The following TMCO4 variants were observed in gnomAD, a reference collection of about 807,000 sequenced individuals.
The protein encoded by TMCO4 is transmembrane and coiled-coil domain-containing protein 4.
Under a neutral mutation model 64.7 loss-of-function variants are expected in TMCO4, and 58 were observed. The observed-to-expected ratio is 0.90, with a 90% CI of 0.73 to 1.12. The LOEUF (loss-of-function observed/expected upper bound fraction) is 1.12, where lower values mean the gene tolerates loss of function less well. Among genes scored for constraint, TMCO4 ranks in the 50% most tolerant of loss-of-function variants. The probability of loss-of-function intolerance (pLI) is 0.00; values close to 1 mark genes in which losing one functional copy is unlikely to be tolerated. For synonymous variants in TMCO4, 325 were observed against 346.1 expected (o/e 0.94, Z 0.68); for missense variants, 780 against 825.9 (o/e 0.94, Z 0.68).
intron 4 of TMCO4, among the ~76,000 whole-genome samples, chr1:19,774,544 CAAAT>C (rs1365075654): frequency 2.6e-5 from 4 of 152,058 alleles, no homozygotes; most frequent in Non-Finnish European, 4.4e-5. Flanking sequence ...TTTCCATAGA[CAAAT>C]GAATTAAAAA....
chr1:19,687,526 C>A (rs575382584), intron 15 of TMCO4, among the ~76,000 whole-genome samples: 2 of 152,142 alleles, frequency 1.3e-5, no homozygotes, highest in African/African-American at 4.8e-5. Context: ...GTTCCCTTAC[C>A]TTAGTTTCCT....
At chr1:19,745,354 G>T in intron 10 of TMCO4, 178 bp downstream of exon 10, 1 of 956,982 alleles carries the variant, frequency 1.0e-6, no homozygotes, top group Non-Finnish European at 1.6e-6. Flanking sequence ...ATGGCGAGAT[G>T]ATGGGCAGGT....
chr1:19,729,245 G>A (rs2095420482), intron 13 of TMCO4, among the ~76,000 whole-genome samples: 1 of 151,936 alleles, frequency 6.6e-6, no homozygotes, highest in Non-Finnish European at 1.5e-5. Flanking sequence ...TGCCTCCTGG[G>A]TTCAAGCGAT....
intron 3 of TMCO4, among the ~76,000 whole-genome samples, chr1:19,783,915 T>C (rs944170984): frequency 2.0e-5 from 3 of 152,216 alleles, no homozygotes; most frequent in Non-Finnish European, 2.9e-5. Context: ...CAAATTTCCC[T>C]GGCTCAGAGG....
At position 19,682,804 on chromosome 1, in the gene TMCO4, G is replaced by C; in HGVS notation, c.*236C>G. 1.4e-6 allele frequency: 1 copy of C among 719,574 alleles called. No individual in the cohort carries two copies. Among genetic ancestry groups the C allele is most frequent in the Non-Finnish European group, 2.6e-6 (1 of 390,056 alleles). 44.6% of individuals were successfully genotyped at this position (719,574 alleles called of 1,614,324 possible). On this transcript the variant is annotated 3_prime_UTR_variant, in exon 16 of 16. Coordinates refer to ENST00000294543, the MANE Select transcript of TMCO4 (RefSeq NM_181719.7). The stretch of plus-strand genomic sequence containing the variant: ...GACTCTGCAGGTCTCTGATGAGGGG[G>C]CAGCTGCTCCCTGGTGGGGCTCCTC...
At chr1:19,693,939 G>C (rs1426450223) in intron 15 of TMCO4, among the ~76,000 whole-genome samples, 3 of 152,200 alleles carry the variant, frequency 2.0e-5, no homozygotes, top group Non-Finnish European at 4.4e-5. Context: ...ACAGGAGCAA[G>C]AGTGAGGGCT....
intron 15 of TMCO4, among the ~76,000 whole-genome samples, chr1:19,690,722 G>T (rs2095186227): frequency 6.6e-6 from 1 of 152,164 alleles, no homozygotes; most frequent in Non-Finnish European, 1.5e-5. Context: ...TCCAAGCTGG[G>T]CTCAGAGTCC....
chr1:19,708,425 T>C (rs1462291878), intron 13 of TMCO4, among the ~76,000 whole-genome samples: 1 of 149,218 alleles, frequency 6.7e-6, no homozygotes, highest in East Asian at 1.9e-4. Context: ...ACCCAAGAGC[T>C]GAGAATGGAC....
chr1:19,742,668 G>A (rs1475648711), intron 10 of TMCO4, among the ~76,000 whole-genome samples: 1 of 152,192 alleles, frequency 6.6e-6, no homozygotes, highest in Non-Finnish European at 1.5e-5. Context: ...CCAGCTCGAT[G>A]GCTTCCACGG....
At chr1:19,700,906 A>T in intron 13 of TMCO4, 21 bp from the exon 14 acceptor site, 2 of 1,609,232 alleles carry the variant, frequency 1.2e-6, no homozygotes, top group Non-Finnish European at 1.7e-6. Context: ...ACCCCAGAAA[A>T]GGCCGTCAGT....
chr1:19,714,940 T>A (rs908954316), intron 13 of TMCO4, among the ~76,000 whole-genome samples: 5 of 151,348 alleles, frequency 3.3e-5, no homozygotes, highest in South Asian at 2.1e-4. Context: ...AATAAATAAA[T>A]AAATAAAAAA....
In TMCO4 at chr1:19,683,125, A is replaced by T; in HGVS notation, c.1820T>A (p.Ile607Asn). 1 of 1,613,650 alleles carries T rather than the reference A, an allele frequency of 6.2e-7. No homozygotes were observed. Residue 607 changes from isoleucine to asparagine, a missense_variant, in exon 16 of 16, where the codon ATC (isoleucine) becomes AAC (asparagine). Ile to Asn is a moderately radical substitution (Grantham distance 149, BLOSUM62 -3). Coordinates refer to ENST00000294543, the MANE Select transcript of TMCO4 (RefSeq NM_181719.7). The part of the protein sequence containing the change: ...PAAASPERPP[I>N]CSHGMDPNPL... ...GTTGGGGTCCATGCCATGGCTGCAGATGGGGGGCCTTTCAGGGCTGGCAGC... is the reference window on the plus strand; with the variant it reads ...GTTGGGGTCCATGCCATGGCTGCAGTTGGGGGGCCTTTCAGGGCTGGCAGC...
intron 15 of TMCO4, among the ~76,000 whole-genome samples, chr1:19,694,104 T>A (rs568944814): frequency 1.4e-4 from 22 of 152,248 alleles, no homozygotes; most frequent in African/African-American, 4.6e-4. Context: ...TGGGCTCAAG[T>A]GATCCTCCCA....
chr1:19,701,028 A>C (rs989555128), intron 13 of TMCO4, 143 bp from the exon 14 acceptor site: 25 of 653,622 alleles, frequency 3.8e-5, no homozygotes, highest in Non-Finnish European at 4.5e-5. Flanking sequence ...GCAAATGTGC[A>C]TGTACACACA....
intron 15 of TMCO4, among the ~76,000 whole-genome samples, chr1:19,686,028 T>C (rs897387643): frequency 4.6e-5 from 7 of 152,168 alleles, no homozygotes; most frequent in Non-Finnish European, 1.0e-4. Flanking sequence ...CGCCCGGCCA[T>C]CCAGGCCTGT....
At chr1:19,759,595 G>A (rs2042410811) in intron 6 of TMCO4, among the ~76,000 whole-genome samples, 1 of 152,202 alleles carries the variant, frequency 6.6e-6, no homozygotes, top group African/African-American at 2.4e-5. Context: ...GCTCACGGCT[G>A]CCTCGGGGCC....
chr1:19,700,660 C>T (rs2095265853), intron 14 of TMCO4, 108 bp downstream of exon 14: 23 of 1,067,274 alleles, frequency 2.2e-5, no homozygotes, highest in Non-Finnish European at 3.2e-5. Flanking sequence ...CTGGGATCTT[C>T]CAGGACAGGG....
intron 15 of TMCO4, among the ~76,000 whole-genome samples, chr1:19,693,752 T>C (rs1383239371): frequency 2.0e-5 from 3 of 152,166 alleles, no homozygotes; most frequent in African/African-American, 4.8e-5. Flanking sequence ...ATCCCATCTT[T>C]CCACAGCCTA....
intron 14 of TMCO4, among the ~76,000 whole-genome samples, chr1:19,696,255 A>G (rs1029150669): frequency 5.9e-5 from 9 of 152,232 alleles, no homozygotes; most frequent in Admixed American, 5.9e-4. Flanking sequence ...AGCACTGTCT[A>G]AGAATGGACG....
Sources: gnomAD v4.1 joint callset for allele counts (sites outside exome capture counted in the v4.1 genomes callset) on GRCh38, gnomAD v4.1.1 for gene constraint, MANE v1.5 for transcripts, NCBI Gene and HGNC (gene_info 2026-07-23, HGNC 2026-07-21) for gene names.